The following FAM227B variants were observed in gnomAD, a reference collection of about 807,000 sequenced individuals.
FAM227B encodes the protein protein FAM227B.
In FAM227B, 88 loss-of-function variants were observed where a neutral mutation model predicts 73.8. The ratio of observed to expected loss-of-function variants is 1.19; its 90% CI spans 1.00 to 1.42. The LOEUF (loss-of-function observed/expected upper bound fraction) is 1.42. FAM227B is among the 40% of genes most tolerant of loss of function. FAM227B has a pLI of 0.00. For synonymous variants in FAM227B, 210 were observed against 190.5 expected, an observed-to-expected ratio of 1.10 and a Z score of -0.84; for missense variants, 632 against 590.9, an observed-to-expected ratio of 1.07 and a Z score of -0.72.
At chr15:49,515,932 G>T (rs937124784) in intron 10 of FAM227B, among the ~76,000 whole-genome samples, 2 of 152,040 alleles carry the variant, frequency 1.3e-5, no homozygotes, top group East Asian at 3.9e-4. Flanking sequence ...GCTCAGTGAT[G>T]GGCTATGTTC....
At chr15:49,591,291 C>T (rs1358351389) in intron 3 of FAM227B, among the ~76,000 whole-genome samples, 1 of 150,842 alleles carries the variant, frequency 6.6e-6, no homozygotes, top group Admixed American at 6.6e-5. Flanking sequence ...AGGATGGTCT[C>T]AATCACCTGA....
intron 2 of FAM227B, among the ~76,000 whole-genome samples, chr15:49,612,608 C>T (rs911695065): frequency 1.3e-5 from 2 of 152,000 alleles, no homozygotes; most frequent in South Asian, 2.1e-4. Flanking sequence ...AATAAAAATA[C>T]TTCTAGAGAA....
chr15:49,374,406 A>G (rs1446155756), intron 11 of FAM227B, among the ~76,000 whole-genome samples: 1 of 152,208 alleles, frequency 6.6e-6, no homozygotes, highest in Non-Finnish European at 1.5e-5. Context: ...CCTTGGAGAG[A>G]GGGGTAGAAA....
chr15:49,422,192 G>C (rs926968727), intron 11 of FAM227B, among the ~76,000 whole-genome samples: 1 of 151,480 alleles, frequency 6.6e-6, no homozygotes, highest in African/African-American at 2.4e-5. Context: ...ACGCGTGTGT[G>C]TTTTGAGGAG....
Position 49,458,545 on chromosome 15 carries a change from T to G in FAM227B, c.1012+49666A>C, listed in dbSNP as rs1338280453. Reference sequence around the variant, plus strand: ...TAAGATAATACTCACTAGAAGAAACTCTTTAAGAACAGGATGACTAAAAAT... The same window carrying G: ...TAAGATAATACTCACTAGAAGAAACGCTTTAAGAACAGGATGACTAAAAAT... On this transcript the variant is annotated intron_variant, in intron 11 of 15. Transcript: ENST00000299338. Among the ~76,000 whole-genome samples the G allele has an allele frequency of 2.0e-5, 3 of 152,228 alleles. No individual in the cohort carries two copies. In the East Asian group the frequency reaches 5.8e-4, roughly 29 times the overall value.
At position 49,568,225 on chromosome 15, in the gene FAM227B, C is replaced by G. The variant is rs1555546168; in HGVS notation, c.747+20G>C. 11 of 1,537,442 alleles carry G rather than the reference C, an allele frequency of 7.2e-6. No homozygotes were observed. The highest frequency in any genetic ancestry group is 9.8e-6 in the Non-Finnish European group (11 of 1,118,258). ...TTCACTTTAAAAATAATTAGCATAA[C>G]TGTTAATTTCAATGCTTACCTGAAA... On this transcript the variant is annotated intron_variant, in intron 9 of 15. Transcript: ENST00000299338.
At chr15:49,524,068 T>C (rs1042907989) in intron 10 of FAM227B, among the ~76,000 whole-genome samples, 10 of 152,172 alleles carry the variant, frequency 6.6e-5, no homozygotes, top group African/African-American at 2.4e-4. Context: ...GAAAATCCCA[T>C]TTTCTGAGGA....
intron 10 of FAM227B, among the ~76,000 whole-genome samples, chr15:49,514,857 A>G (rs2059273614): frequency 6.6e-6 from 1 of 152,070 alleles, no homozygotes; most frequent in South Asian, 2.1e-4. Context: ...AATTTCTTTC[A>G]TGCTTTCTTC....
chr15:49,502,785 C>A (rs78538579), intron 11 of FAM227B, among the ~76,000 whole-genome samples: 2,956 of 152,200 alleles, frequency 0.019, 120 homozygotes, highest in African/African-American at 0.068. Context: ...TGTCCCTGTA[C>A]AAATCTCATG....
chr15:49,536,342 A>G (rs2070266351), intron 10 of FAM227B, among the ~76,000 whole-genome samples: 1 of 151,878 alleles, frequency 6.6e-6, no homozygotes, highest in Non-Finnish European at 1.5e-5. Flanking sequence ...AAAAATAACT[A>G]TTTAAGAATA....
At chr15:49,442,321 G>T (rs2151842391) in intron 11 of FAM227B, among the ~76,000 whole-genome samples, 1 of 151,542 alleles carries the variant, frequency 6.6e-6, no homozygotes, top group Non-Finnish European at 1.5e-5. Flanking sequence ...ATTCTTCAGG[G>T]CCCAGATTAA....
chr15:49,332,932 GTCT>G (rs2039061222), intron 14 of FAM227B, among the ~76,000 whole-genome samples: 1 of 152,016 alleles, frequency 6.6e-6, no homozygotes, highest in African/African-American at 2.4e-5. Context: ...TGCTTGTTTT[GTCT>G]TCTCAAGCTG....
intron 10 of FAM227B, among the ~76,000 whole-genome samples, chr15:49,525,939 G>A (rs1261295743): frequency 6.6e-6 from 1 of 151,582 alleles, no homozygotes; most frequent in Non-Finnish European, 1.5e-5. Flanking sequence ...GAGATGGACA[G>A]CAATACAGTA....
intron 11 of FAM227B, among the ~76,000 whole-genome samples, chr15:49,440,126 A>G (rs2051498497): frequency 6.6e-6 from 1 of 151,764 alleles, no homozygotes; most frequent in Non-Finnish European, 1.5e-5. Context: ...AATTAGTGGC[A>G]GTGGTGGTTT....
At chr15:49,454,279 C>T (rs929819524) in intron 11 of FAM227B, among the ~76,000 whole-genome samples, 1 of 152,112 alleles carries the variant, frequency 6.6e-6, no homozygotes, top group African/African-American at 2.4e-5. Flanking sequence ...GGGGGCAGGG[C>T]ACTTGTTAGG....
intron 11 of FAM227B, among the ~76,000 whole-genome samples, chr15:49,459,983 G>C (rs2053648374): frequency 2.0e-5 from 3 of 152,022 alleles, no homozygotes; most frequent in South Asian, 4.1e-4. Flanking sequence ...CCCACACACT[G>C]TCTGTAGACG....
intron 10 of FAM227B, among the ~76,000 whole-genome samples, chr15:49,526,031 C>T (rs532812349): frequency 1.3e-5 from 2 of 152,116 alleles, no homozygotes; most frequent in East Asian, 1.9e-4. Context: ...TGGACTTAAA[C>T]TGGACTCTAG....
At chr15:49,477,046 C>T (rs895771396) in intron 11 of FAM227B, among the ~76,000 whole-genome samples, 5 of 144,384 alleles carry the variant, frequency 3.5e-5, no homozygotes, top group African/African-American at 1.1e-4. Flanking sequence ...GGCGACAAAG[C>T]GAGACTCTGT....
intron 11 of FAM227B, chr15:49,422,533 T>A: frequency 7.5e-7 from 1 of 1,334,920 alleles, no homozygotes; most frequent in Non-Finnish European, 9.6e-7. Context: ...CTGTTCCTTA[T>A]ATTAGTAGTG....
Sources: allele counts gnomAD v4.1 joint callset (sites outside exome capture counted in the v4.1 genomes callset), GRCh38; gene constraint gnomAD v4.1.1; transcripts MANE v1.5; gene names NCBI Gene and HGNC (gene_info 2026-07-23, HGNC 2026-07-21).